The following CFAP221 variants were observed in gnomAD, a reference collection of about 807,000 sequenced individuals.
The protein encoded by CFAP221 is cilia and flagella associated protein 221, also known as cilia- and flagella-associated protein 221.
Under a neutral mutation model 113.1 loss-of-function variants are expected in CFAP221, and 97 were observed. The ratio of observed to expected loss-of-function variants is 0.86; its 90% confidence interval spans 0.73 to 1.02. The LOEUF (loss-of-function observed/expected upper bound fraction) is 1.02, where lower values mean the gene tolerates loss of function less well. Ranked by LOEUF, CFAP221 falls within the 50% of genes least tolerant of loss-of-function variation. The pLI is 0.00. For missense variants in CFAP221, 1,025 were observed against 1,013.4 expected (o/e 1.01, Z -0.16); for synonymous variants, 331 against 354.4 (o/e 0.93, Z 0.74).
intron 7 of CFAP221, among the ~76,000 whole-genome samples, chr2:119,596,597 A>C (rs1470555479): frequency 6.6e-6 from 1 of 152,258 alleles, no homozygotes; most frequent in Non-Finnish European, 1.5e-5. Flanking sequence ...TGAAACAGAA[A>C]GTTAGTAGAT....
chr2:119,656,344 G>A lies in CFAP221; in HGVS notation c.2415-18G>A. The A allele has an allele frequency of 6.2e-7, 1 of 1,606,626 alleles. No individual in the cohort carries two copies. Among genetic ancestry groups the A allele is most frequent in the Non-Finnish European group, 8.5e-7 (1 of 1,173,262 alleles). ...TTAAGTGTCCTCATGTTTCCTTCTT[G>A]GGTTTTTTGATACTCAGAGAAGTGA... On this transcript the variant is annotated intron_variant, in intron 23 of 23. Transcript: ENST00000413369.
chr2:119,563,139 G>A (rs1681375167), intron 6 of CFAP221, among the ~76,000 whole-genome samples: 1 of 152,142 alleles, frequency 6.6e-6, no homozygotes, highest in Non-Finnish European at 1.5e-5. Context: ...GGGTGACAGA[G>A]TGAGATCCTG....
intron 14 of CFAP221, 61 bp from the exon 15 acceptor site, chr2:119,625,522 G>A: frequency 1.4e-6 from 2 of 1,434,634 alleles, no homozygotes; most frequent in South Asian, 1.2e-5. Context: ...GAATTAGGTT[G>A]AATGCCAAAA....
intron 7 of CFAP221, 96 bp from the exon 8 acceptor site, chr2:119,601,122 T>C (rs1684335842): frequency 8.1e-7 from 1 of 1,239,474 alleles, no homozygotes; most frequent in Non-Finnish European, 1.1e-6. Flanking sequence ...AATCTCCACA[T>C]TGTCAGAGGG....
intron 6 of CFAP221, among the ~76,000 whole-genome samples, chr2:119,566,323 A>G (rs531703000): frequency 3.0e-3 from 455 of 152,292 alleles, no homozygotes; most frequent in Non-Finnish European, 5.2e-3. Flanking sequence ...ACAATTCTGA[A>G]TATTGCCAGT....
At chr2:119,571,232 C>T (rs116681015) in intron 6 of CFAP221, among the ~76,000 whole-genome samples, 4,115 of 149,586 alleles carry the variant, frequency 0.028, 69 homozygotes, top group Non-Finnish European at 0.041. Flanking sequence ...CTCCGCCTCC[C>T]GGGTTCAAGT....
chr2:119,560,044 G>GTTT lies in CFAP221; in HGVS notation c.426+18_426+19insTTT. 2.8e-6 allele frequency: 3 copies of GTTT among 1,070,608 alleles called. No individual in the cohort carries two copies. The highest frequency in any genetic ancestry group is 3.1e-5 in the East Asian group (1 of 32,362). The allele number at this position is 1,070,608 out of a possible 1,614,324, so 66.3% of individuals were successfully genotyped here. ...ACTGTAAGGTAGGTCTCTTAAAATT[G>GTTT]CTTTTTTTTTTTTTTTTTTTTGATG... is the stretch of plus-strand genomic sequence containing the variant. On this transcript the variant is annotated intron_variant, in intron 5 of 23. Transcript: ENST00000413369.
rs751625859 is a variant in CFAP221 at position 119,604,934 on chromosome 2, C to T, written c.971C>T (p.Ala324Val). Residue 324 changes from alanine (A) to valine (V), a missense_variant, in exon 10 of 24, where the codon GCA becomes GTA. Transcript: ENST00000413369. ...PVDLSNPFAV[A>V]TVLNQEPGKL... ...GATTTATCGAATCCATTTGCTGTGG[C>T]AACTGTTTTAAACCAAGAACCAGGA... 6.2e-7 allele frequency: 1 copy of T among 1,613,894 alleles called. No homozygotes were observed. The highest frequency in any genetic ancestry group is 1.3e-5 in the African/African-American group (1 of 74,858).
At chr2:119,611,952 T>C (rs1356869907) in intron 13 of CFAP221, among the ~76,000 whole-genome samples, 3 of 152,234 alleles carry the variant, frequency 2.0e-5, no homozygotes. Flanking sequence ...CAGCACTACA[T>C]ACTTTGGCCA....
intron 8 of CFAP221, among the ~76,000 whole-genome samples, chr2:119,604,355 AC>A (rs1433959237): frequency 6.6e-6 from 1 of 151,688 alleles, no homozygotes; most frequent in Non-Finnish European, 1.5e-5. Flanking sequence ...AATCACTTGA[AC>A]CCGGGAGGCA....
intron 6 of CFAP221, among the ~76,000 whole-genome samples, chr2:119,567,316 T>G (rs1681724181): frequency 6.6e-6 from 1 of 152,180 alleles, no homozygotes; most frequent in African/African-American, 2.4e-5. Flanking sequence ...CACTGTTTAT[T>G]TTTTTTACTG....
chr2:119,577,812 A>G (rs1430980922), intron 6 of CFAP221, among the ~76,000 whole-genome samples: 2 of 152,246 alleles, frequency 1.3e-5, no homozygotes, highest in African/African-American at 2.4e-5. Context: ...CATTCGCTGA[A>G]GGAGAAATGA....
Position 119,579,530 on chromosome 2 carries a change from T to C in CFAP221, c.528-7589T>C, listed in dbSNP as rs917768607. 3.9e-5 allele frequency among the ~76,000 whole-genome samples: 6 copies of C among 152,218 alleles called. 1 individual carries two copies. Among genetic ancestry groups the C allele is most frequent in the Non-Finnish European group, 5.9e-5 (4 of 68,038 alleles). The stretch of plus-strand genomic sequence containing the variant: ...GGTGGCCATGCAAACTAATTTGACA[T>C]GCATAATATGCACAGCAGTAGTGAA... On this transcript the variant is annotated intron_variant, in intron 6 of 23. Transcript: ENST00000413369.
chr2:119,598,854 C>T (rs750345328), intron 7 of CFAP221, among the ~76,000 whole-genome samples: 13 of 152,170 alleles, frequency 8.5e-5, no homozygotes, highest in South Asian at 2.1e-4. Flanking sequence ...ATAAATCAGC[C>T]GGGTCAAGGC....
At chr2:119,612,164 A>C (rs1049304921) in intron 13 of CFAP221, among the ~76,000 whole-genome samples, 2 of 152,242 alleles carry the variant, frequency 1.3e-5, no homozygotes, top group African/African-American at 4.8e-5. Context: ...GGACCTTGGC[A>C]AGCCTCTTGG....
chr2:119,587,474 T>G (rs1435794647), intron 7 of CFAP221, among the ~76,000 whole-genome samples: 1 of 152,226 alleles, frequency 6.6e-6, no homozygotes, highest in East Asian at 1.9e-4. Flanking sequence ...TAAGTTTGGC[T>G]CCTGGTACAT....
At chr2:119,565,845 C>T (rs1681584810) in intron 6 of CFAP221, among the ~76,000 whole-genome samples, 1 of 152,170 alleles carries the variant, frequency 6.6e-6, no homozygotes, top group Non-Finnish European at 1.5e-5. Context: ...ACTACTAGAA[C>T]ACGTTTTCAG....
chr2:119,604,546 A>T (rs1198195076), intron 8 of CFAP221, 126 bp from the exon 9 acceptor site: 14 of 835,932 alleles, frequency 1.7e-5, no homozygotes, highest in Non-Finnish European at 1.7e-5. Context: ...GTTGGGGCAC[A>T]CATTTATTTT....
chr2:119,637,987 T>C, intron 19 of CFAP221: 1 of 282,070 alleles, frequency 3.5e-6, no homozygotes, highest in Non-Finnish European at 6.6e-6. Flanking sequence ...ATTTCGGTTG[T>C]ACTTATTTTC....
Sources: allele counts gnomAD v4.1 joint callset (sites outside exome capture counted in the v4.1 genomes callset), GRCh38; gene constraint gnomAD v4.1.1; transcripts MANE v1.5; gene names NCBI Gene and HGNC (gene_info 2026-07-23, HGNC 2026-07-21).